GPCPD1: variants seen among roughly 807,000 people sequenced by gnomAD.
The protein encoded by GPCPD1 is glycerophosphocholine phosphodiesterase 1, also known as glycerophosphocholine phosphodiesterase GPCPD1.
GPCPD1 carries 29 observed loss-of-function variants against 89.2 expected under a neutral mutation model. That is an observed-to-expected ratio of 0.33 (90% CI 0.24 to 0.44). The LOEUF is 0.44. GPCPD1 is among the 20% of genes least tolerant of loss of function. The pLI, the probability that GPCPD1 is intolerant of heterozygous loss-of-function variation, is 1.00. For missense variants in GPCPD1, 594 were observed against 808.9 expected (o/e 0.73, Z 3.22); for synonymous variants, 258 against 266.3 (o/e 0.97, Z 0.30).
chr20:5,582,186 CAAAAAAAA>C (rs1164754193), intron 6 of GPCPD1, among the ~76,000 whole-genome samples: 25 of 36,266 alleles, frequency 6.9e-4, no homozygotes, highest in African/African-American at 2.2e-3. Context: ...ACTCCCGTCT[CAAAAAAAA>C]AAAAAAAAAA....
At chr20:5,559,844 T>C (rs758678142) in intron 17 of GPCPD1, 96 bp downstream of exon 17, 3 of 620,082 alleles carry the variant, frequency 4.8e-6, no homozygotes, top group East Asian at 3.0e-5. Flanking sequence ...GGACAGATCA[T>C]GGGGGAAAGC....
Position 5,573,941 on chromosome 20 carries a change from C to G in GPCPD1, c.1030G>C (p.Ala344Pro). 5 of 1,522,714 alleles carry G rather than the reference C, an allele frequency of 3.3e-6. No individual in the cohort carries two copies. The highest frequency in any genetic ancestry group is 1.4e-5 in the African/African-American group (1 of 73,360). The allele number at this position is 1,522,714 out of a possible 1,614,324, so 94.3% of individuals were successfully genotyped here. Residue 344 changes from alanine (A) to proline (P), a missense_variant, in exon 11 of 20, where the codon GCT becomes CCT. Physicochemically the swap from Ala to Pro is conservative, Grantham distance 27. Coordinates refer to ENST00000379019, the MANE Select transcript of GPCPD1 (RefSeq NM_019593.5). The part of the protein sequence containing the change: ...QLAKVQENTI[A>P]SLRNAASHGA... ...TGACTAGCAGCATTTCTTAAAGAAGCAATAGTATTTTCTTGAACTTTAGCC... is the reference window on the plus strand; with the variant it reads ...TGACTAGCAGCATTTCTTAAAGAAGGAATAGTATTTTCTTGAACTTTAGCC...
At chr20:5,566,291 G>C (rs913446042) in intron 14 of GPCPD1, among the ~76,000 whole-genome samples, 1 of 152,160 alleles carries the variant, frequency 6.6e-6, no homozygotes. Flanking sequence ...AATACAATAA[G>C]CCTCATATGA....
At chr20:5,605,596 T>G (rs1260013228) in intron 1 of GPCPD1, among the ~76,000 whole-genome samples, 1 of 152,042 alleles carries the variant, frequency 6.6e-6, no homozygotes, top group Non-Finnish European at 1.5e-5. Context: ...CTGACCAACA[T>G]GGAGAAACCC....
intron 2 of GPCPD1, among the ~76,000 whole-genome samples, chr20:5,603,687 A>G (rs545411785): frequency 1.8e-4 from 27 of 152,254 alleles, no homozygotes; most frequent in African/African-American, 6.3e-4. Context: ...CAATGAGGCT[A>G]AAAACATATT....
chr20:5,608,969 C>G lies in GPCPD1; in HGVS notation c.-29+1873G>C, dbSNP rs76033132. Among the ~76,000 whole-genome samples, 1,377 of 152,260 alleles carry G rather than the reference C, an allele frequency of 9.0e-3. 12 individuals are homozygous for G. The highest frequency in any genetic ancestry group is 0.018 in the Admixed American group (279 of 15,292). On this transcript the variant is annotated intron_variant, in intron 1 of 19. Coordinates refer to ENST00000379019, the MANE Select transcript of GPCPD1 (RefSeq NM_019593.5). The stretch of plus-strand genomic sequence containing the variant: ...TTAAAAAATTTCAGAGTTCACACTA[C>G]CTGCCAAAATAAATTTTACTCTATT...
chr20:5,579,875 A>G, intron 7 of GPCPD1, 133 bp downstream of exon 7: 1 of 525,044 alleles, frequency 1.9e-6, no homozygotes, highest in Non-Finnish European at 3.4e-6. Flanking sequence ...GTTCACTATT[A>G]CAAAGCCCTG....
At chr20:5,601,964 T>C (rs1327393824) in intron 2 of GPCPD1, among the ~76,000 whole-genome samples, 1 of 152,218 alleles carries the variant, frequency 6.6e-6, no homozygotes, top group East Asian at 1.9e-4. Context: ...TATAAAAGAT[T>C]ATGAAGACTT....
chr20:5,587,685 C>T (rs1294419738), intron 4 of GPCPD1, among the ~76,000 whole-genome samples: 1 of 151,924 alleles, frequency 6.6e-6, no homozygotes. Flanking sequence ...TCTTAAAAAG[C>T]CTAGGCATAA....
At chr20:5,575,569 G>T (rs1363610683) in intron 9 of GPCPD1, 24 bp from the exon 10 acceptor site, 3 of 1,474,462 alleles carry the variant, frequency 2.0e-6, no homozygotes, top group Non-Finnish European at 2.8e-6. Flanking sequence ...AAAGAGGGAG[G>T]AACAAAAATA....
chr20:5,549,243 G>T, intron 19 of GPCPD1: 1 of 777,268 alleles, frequency 1.3e-6, no homozygotes, highest in Non-Finnish European at 2.3e-6. Context: ...GTGTCTTATT[G>T]GAGAATCTTT....
At position 5,580,541 on chromosome 20, in the gene GPCPD1, C is replaced by T. The variant is rs142345040; in HGVS notation, c.350-410G>A. ...GAGATTGAGACCATCCTGGCTAACA[C>T]GGTGAAGCCCCGTCTCTACTACAAA... On this transcript the variant is annotated intron_variant, in intron 6 of 19. Transcript: ENST00000379019. Among the ~76,000 whole-genome samples, 1,003 of 151,832 alleles carry T rather than the reference C, an allele frequency of 6.6e-3. 11 individuals are homozygous for T. Among genetic ancestry groups the T allele is most frequent in the African/African-American group, 0.022 (924 of 41,412 alleles).
chr20:5,552,308 C>T (rs1312245074), intron 19 of GPCPD1, among the ~76,000 whole-genome samples: 2 of 152,170 alleles, frequency 1.3e-5, no homozygotes, highest in Admixed American at 1.3e-4. Context: ...CTTGCCTCTG[C>T]CTAGAACACA....
At chr20:5,596,397 T>C (rs567911130) in intron 3 of GPCPD1, among the ~76,000 whole-genome samples, 1 of 151,748 alleles carries the variant, frequency 6.6e-6, no homozygotes, top group East Asian at 1.9e-4. Flanking sequence ...GTCTAAAAAA[T>C]TTTAAAAAAA....
chr20:5,589,060 G>A (rs977927804), intron 4 of GPCPD1, among the ~76,000 whole-genome samples: 1 of 152,032 alleles, frequency 6.6e-6, no homozygotes, highest in African/African-American at 2.4e-5. Context: ...AGTCTCATCT[G>A]CCCACTACCC....
intron 15 of GPCPD1, 126 bp from the exon 16 acceptor site, chr20:5,561,656 T>A (rs925873416): frequency 1.8e-6 from 1 of 565,112 alleles, no homozygotes; most frequent in African/African-American, 1.9e-5. Context: ...AAATGTTTTG[T>A]GCATAATGCA....
At chr20:5,573,446 G>A (rs1986832550) in intron 11 of GPCPD1, among the ~76,000 whole-genome samples, 1 of 152,098 alleles carries the variant, frequency 6.6e-6, no homozygotes, top group South Asian at 2.1e-4. Flanking sequence ...TTCCCACTAA[G>A]CATTGGTTTT....
chr20:5,545,386 A>G lies in GPCPD1; in HGVS notation c.*2275T>C, dbSNP rs6085202. The G allele has an allele frequency of 0.54, 82,731 of 151,986 alleles. 22,757 individuals carry two copies. The highest frequency in any genetic ancestry group is 0.63 in the East Asian group (3,235 of 5,152). 9.4% of individuals were successfully genotyped at this position (151,986 alleles called of 1,614,324 possible). A position where few individuals can be genotyped will look rare whatever the true frequency, so the allele number is the denominator to read the frequency against. The stretch of plus-strand genomic sequence containing the variant: ...AAGATCAACTCTGCCTACCTAGAAC[A>G]GAATTACTGTGATGCACAGCCTGAT... On this transcript the variant is annotated 3_prime_UTR_variant, in exon 20 of 20. Coordinates refer to ENST00000379019, the MANE Select transcript of GPCPD1 (RefSeq NM_019593.5).
At chr20:5,608,072 C>T (rs923929006) in intron 1 of GPCPD1, among the ~76,000 whole-genome samples, 3 of 152,114 alleles carry the variant, frequency 2.0e-5, no homozygotes, top group African/African-American at 7.2e-5. Context: ...TAAGGGAAAT[C>T]AGATATTATT....
Sources: gnomAD v4.1 joint callset for allele counts (sites outside exome capture counted in the v4.1 genomes callset) on GRCh38, gnomAD v4.1.1 for gene constraint, MANE v1.5 for transcripts, NCBI Gene and HGNC (gene_info 2026-07-23, HGNC 2026-07-21) for gene names.